ANGPT1: variants seen among roughly 807,000 people sequenced by gnomAD.
ANGPT1 encodes the protein angiopoietin-1.
A neutral mutation model predicts 62.2 loss-of-function variants in ANGPT1; 17 were observed. The observed-to-expected ratio is 0.27, with a 90% CI of 0.19 to 0.41. The LOEUF is 0.41. ANGPT1 is among the 10% of genes least tolerant of loss of function. ANGPT1 has a pLI of 1.00. For missense variants in ANGPT1, 478 were observed against 594.9 expected (o/e 0.80, Z 2.04); for synonymous variants, 199 against 198.9 (o/e 1.00, Z 0.00).
chr8:107,448,633 A>T (rs1307375544), intron 1 of ANGPT1, among the ~76,000 whole-genome samples: 1 of 152,174 alleles, frequency 6.6e-6, no homozygotes, highest in Non-Finnish European at 1.5e-5. Context: ...ACCAGAAAGC[A>T]AGTGACCTTT....
At chr8:107,259,378 A>G (rs1813441337) in intron 8 of ANGPT1, among the ~76,000 whole-genome samples, 1 of 152,108 alleles carries the variant, frequency 6.6e-6, no homozygotes, top group Non-Finnish European at 1.5e-5. Flanking sequence ...GCGTTTGTCA[A>G]CTGTCTGCTG....
At chr8:107,420,619 A>G (rs1467358304) in intron 1 of ANGPT1, among the ~76,000 whole-genome samples, 2 of 152,180 alleles carry the variant, frequency 1.3e-5, no homozygotes, top group African/African-American at 4.8e-5. Context: ...TCTCATATAT[A>G]TAATACTCTC....
At chr8:107,468,855 C>A (rs1812273633) in intron 1 of ANGPT1, among the ~76,000 whole-genome samples, 1 of 151,966 alleles carries the variant, frequency 6.6e-6, no homozygotes, top group Non-Finnish European at 1.5e-5. Flanking sequence ...GTGTACACAA[C>A]CAGTTTTCCT....
intron 1 of ANGPT1, among the ~76,000 whole-genome samples, chr8:107,481,420 G>A (rs560886343): frequency 2.0e-5 from 3 of 150,354 alleles, no homozygotes; most frequent in Non-Finnish European, 2.9e-5. Flanking sequence ...TGTAGTCCCA[G>A]CTACTTGGGA....
intron 1 of ANGPT1, among the ~76,000 whole-genome samples, chr8:107,476,884 TC>T (rs1207489140): frequency 6.6e-6 from 1 of 152,148 alleles, no homozygotes; most frequent in Non-Finnish European, 1.5e-5. Flanking sequence ...ATTATGATTT[TC>T]CCCTCAGAAT....
intron 7 of ANGPT1, among the ~76,000 whole-genome samples, chr8:107,280,822 T>C (rs1300660400): frequency 6.6e-6 from 1 of 152,036 alleles, no homozygotes; most frequent in African/African-American, 2.4e-5. Flanking sequence ...AAAGACCAAG[T>C]TGTCTGTTAG....
chr8:107,465,982 T>G (rs1812188876), intron 1 of ANGPT1, among the ~76,000 whole-genome samples: 1 of 152,202 alleles, frequency 6.6e-6, no homozygotes, highest in South Asian at 2.1e-4. Flanking sequence ...AATATTCTCC[T>G]CTGGTTAGCC....
At chr8:107,312,219 C>A (rs1233905144) in intron 4 of ANGPT1, among the ~76,000 whole-genome samples, 1 of 152,224 alleles carries the variant, frequency 6.6e-6, no homozygotes, top group Non-Finnish European at 1.5e-5. Context: ...GTTACGAATG[C>A]TGCACGGCCC....
At chr8:107,298,212 C>T (rs1268187411) in intron 5 of ANGPT1, among the ~76,000 whole-genome samples, 1 of 151,856 alleles carries the variant, frequency 6.6e-6, no homozygotes, top group African/African-American at 2.4e-5. Context: ...CTTTTATGTT[C>T]CATAGAAGTT....
At chr8:107,420,976 A>T (rs1433188) in intron 1 of ANGPT1, among the ~76,000 whole-genome samples, 60,921 of 151,894 alleles carry the variant, frequency 0.4, 12,417 homozygotes, top group Middle Eastern at 0.51. Context: ...CATAAATTGA[A>T]ATTTATGCAA....
At chr8:107,312,789 T>C (rs1814907199) in intron 4 of ANGPT1, among the ~76,000 whole-genome samples, 1 of 152,128 alleles carries the variant, frequency 6.6e-6, no homozygotes, top group South Asian at 2.1e-4. Flanking sequence ...CATACTTCTA[T>C]GTTAAGCAAT....
Position 107,497,410 on chromosome 8 carries a change from T to C in ANGPT1, c.149A>G (p.His50Arg). The change falls in exon 1 of 9, where the codon CAC (histidine) becomes CGC (arginine). Residue 50 changes from histidine (H) to arginine (R), a missense_variant. His to Arg is a conservative substitution (Grantham distance 29). Transcript: ENST00000517746. ...QCAYTFILPE[H>R]DGNCRESTTD... ...CGTACTCTCACGACAGTTGCCATCG[T>C]GTTCTGGAAGAATGAAAGTGTAGGC... The C allele has an allele frequency of 1.2e-6, 2 of 1,614,194 alleles. No individual in the cohort carries two copies. Among genetic ancestry groups the C allele is most frequent in the Non-Finnish European group, 1.7e-6 (2 of 1,180,024 alleles).
intron 3 of ANGPT1, among the ~76,000 whole-genome samples, chr8:107,324,203 A>ATG (rs1451500549): frequency 4.6e-4 from 39 of 85,036 alleles, no homozygotes; most frequent in South Asian, 1.6e-3. Flanking sequence ...ATGTATATAT[A>ATG]TGTATATATA....
chr8:107,289,635 C>A (rs1814227074), intron 6 of ANGPT1, among the ~76,000 whole-genome samples: 3 of 152,070 alleles, frequency 2.0e-5, no homozygotes, highest in Non-Finnish European at 4.4e-5. Context: ...ATGCATTTTT[C>A]TCTTTTTAAT....
intron 4 of ANGPT1, among the ~76,000 whole-genome samples, chr8:107,306,895 T>TA (rs1002577217): frequency 6.8e-5 from 10 of 147,176 alleles, no homozygotes; most frequent in African/African-American, 2.0e-4. Flanking sequence ...AATTAAAAAT[T>TA]AAAAAAAAAA....
intron 3 of ANGPT1, chr8:107,322,812 T>C (rs1264675969): frequency 1.2e-5 from 3 of 249,630 alleles, no homozygotes; most frequent in Admixed American, 1.1e-4. Context: ...AACAGCAATA[T>C]ACATTCTCAA....
At chr8:107,478,398 A>G (rs1001847286) in intron 1 of ANGPT1, among the ~76,000 whole-genome samples, 2 of 152,058 alleles carry the variant, frequency 1.3e-5, no homozygotes, top group Admixed American at 6.6e-5. Context: ...AAATACAAAA[A>G]GTAGCTGGGT....
At chr8:107,290,184 T>C (rs766056817) in intron 6 of ANGPT1, among the ~76,000 whole-genome samples, 1 of 151,996 alleles carries the variant, frequency 6.6e-6, no homozygotes, top group East Asian at 1.9e-4. Flanking sequence ...ATATATAGTA[T>C]ATATTTGTAA....
intron 1 of ANGPT1, among the ~76,000 whole-genome samples, chr8:107,436,876 C>T (rs1488932273): frequency 6.6e-6 from 1 of 152,040 alleles, no homozygotes; most frequent in Non-Finnish European, 1.5e-5. Flanking sequence ...TGAAAATCAA[C>T]AACTTATTTG....
Sources: gnomAD v4.1 joint callset for allele counts (sites outside exome capture counted in the v4.1 genomes callset) on GRCh38, gnomAD v4.1.1 for gene constraint, MANE v1.5 for transcripts, NCBI Gene and HGNC (gene_info 2026-07-23, HGNC 2026-07-21) for gene names.